NPIPB11: variants seen among roughly 807,000 people sequenced by gnomAD.
NPIPB11 encodes the protein nuclear pore complex-interacting protein family member B11.
Under a neutral mutation model 32.8 loss-of-function variants are expected in NPIPB11, and 17 were observed. The ratio of observed to expected loss-of-function variants is 0.52; its 90% CI spans 0.35 to 0.78. The LOEUF is 0.78. Ranked by LOEUF, NPIPB11 falls within the 30% of genes least tolerant of loss-of-function variation. NPIPB11 has a pLI of 0.01. For synonymous variants in NPIPB11, 209 were observed against 398.4 expected (o/e 0.52, Z 5.66); for missense variants, 537 against 1,000.4 (o/e 0.54, Z 6.25).
In NPIPB11 at chr16:29,383,112, G is replaced by A. The variant is rs1963530402; in HGVS notation, c.1820C>T (p.Ser607Leu). ...GTGGAGCTGAGGGTGGAAGGGGAGT[G>A]AGCTGACGCTCGGAAGGTCTCTTGA... Residue 607 changes from serine (S) to leucine (L), a missense_variant, in exon 8 of 8, where the codon TCA (serine) becomes TTA (leucine). By Grantham distance (145) the Ser-to-Leu change is moderately radical. Coordinates refer to ENST00000524087, the Ensembl canonical transcript of NPIPB11. The A allele has an allele frequency of 2.5e-6, 4 of 1,595,614 alleles. No homozygotes were observed. The East Asian group carries it at 6.9e-5, about 27-fold the overall frequency.
Position 29,390,237 on chromosome 16 carries a change from A to G in NPIPB11, c.349+12T>C, listed in dbSNP as rs574292207. The G allele has an allele frequency of 1.3e-5, 20 of 1,588,156 alleles. No homozygotes were observed. The East Asian group carries it at 4.5e-4, about 36-fold the overall frequency. ...TCATTTCCACACTATGCGGATTCCAACAGAGCCATACCTTCCTGTCTACGG... is the reference window on the plus strand; with the variant it reads ...TCATTTCCACACTATGCGGATTCCAGCAGAGCCATACCTTCCTGTCTACGG... On this transcript the variant is annotated intron_variant, in intron 4 of 7. Coordinates refer to ENST00000524087, the Ensembl canonical transcript of NPIPB11.
chr16:29,406,356 A>G (rs903540528), upstream of NPIPB11, among the ~76,000 whole-genome samples: 2 of 152,282 alleles, frequency 1.3e-5, no homozygotes, highest in African/African-American at 4.8e-5. Context: ...ATACATTTAT[A>G]CAAATTTAAT....
intron 2 of NPIPB11, among the ~76,000 whole-genome samples, chr16:29,399,606 G>A (rs1258205934): frequency 2.0e-5 from 3 of 151,714 alleles, no homozygotes; most frequent in African/African-American, 7.3e-5. Flanking sequence ...GCTGAGGCAG[G>A]AGAATAGTTT....
chr16:29,406,516 C>T (rs954833265), upstream of NPIPB11, among the ~76,000 whole-genome samples: 31 of 152,182 alleles, frequency 2.0e-4, no homozygotes, highest in African/African-American at 7.0e-4. Context: ...TCGGGAGTTC[C>T]AGACCAGCCT....
chr16:29,389,827 A>C, intron 5 of NPIPB11, 114 bp downstream of exon 5: 1 of 1,558,086 alleles, frequency 6.4e-7, no homozygotes, highest in Admixed American at 1.9e-5. Flanking sequence ...CTCAATTTTG[A>C]ACCTACTGAA....
chr16:29,401,440 C>A (rs3874770), intron 2 of NPIPB11, among the ~76,000 whole-genome samples: 16 of 152,160 alleles, frequency 1.1e-4, no homozygotes, highest in Non-Finnish European at 1.6e-4. Context: ...TACTCTGTTT[C>A]ATCATGCTGG....
intron 2 of NPIPB11, among the ~76,000 whole-genome samples, chr16:29,397,196 G>C (rs1001475731): frequency 3.3e-5 from 5 of 150,120 alleles, no homozygotes; most frequent in African/African-American, 9.8e-5. Context: ...CATCAAACCA[G>C]ATGACACAAA....
At chr16:29,391,787 C>T (rs918613760) in intron 3 of NPIPB11, among the ~76,000 whole-genome samples, 1 of 152,120 alleles carries the variant, frequency 6.6e-6, no homozygotes, top group Non-Finnish European at 1.5e-5. Context: ...GTGGCGCTAC[C>T]TTGGCTCACG....
chr16:29,397,528 G>C, intron 2 of NPIPB11: 1 of 1,507,038 alleles, frequency 6.6e-7, no homozygotes, highest in Non-Finnish European at 8.9e-7. Flanking sequence ...ACACAGCCCA[G>C]TAAAAAGGAA....
At chr16:29,399,467 C>T (rs1469240175) in intron 2 of NPIPB11, among the ~76,000 whole-genome samples, 86 of 144,434 alleles carry the variant, frequency 6.0e-4, no homozygotes, top group African/African-American at 1.9e-3. Flanking sequence ...TTTGGGAGGC[C>T]GAGGTGGGTG....
rs1158769022 is a variant in NPIPB11, at chr16:29,386,936, CT to C, written c.546-1082del. Among the ~76,000 whole-genome samples the C allele has an allele frequency of 7.5e-4, 9 of 12,056 alleles. 1 individual carries two copies. The highest frequency in any genetic ancestry group is 1.7e-3 in the Admixed American group (2 of 1,182). 7.9% of individuals were successfully genotyped at this position (12,056 alleles called of 152,430 possible). ...CCTCTGCCTCTGATACCTGCCTCTC[CT>C]TTTCTGCATGCTCACATTCTTTCAC... is the stretch of plus-strand genomic sequence containing the variant. On this transcript the variant is annotated intron_variant, in intron 5 of 7. Coordinates refer to ENST00000524087, the Ensembl canonical transcript of NPIPB11.
intron 5 of NPIPB11, among the ~76,000 whole-genome samples, chr16:29,389,161 C>G (rs1193474482): frequency 6.9e-6 from 1 of 145,378 alleles, no homozygotes; most frequent in Non-Finnish European, 1.5e-5. Context: ...TGCCACTGCA[C>G]TCTAGCCTGG....
chr16:29,401,718 C>T (rs1963995717), intron 2 of NPIPB11, among the ~76,000 whole-genome samples: 2 of 152,114 alleles, frequency 1.3e-5, no homozygotes, highest in Non-Finnish European at 2.9e-5. Flanking sequence ...TGTGTCACCT[C>T]GAGGCAAGAG....
At chr16:29,399,486 G>C (rs1040791297) in intron 2 of NPIPB11, among the ~76,000 whole-genome samples, 1 of 149,244 alleles carries the variant, frequency 6.7e-6, no homozygotes, top group African/African-American at 2.5e-5. Context: ...TGGATCACAA[G>C]GTCAGGAGTT....
At chr16:29,402,970 A>C (rs1039787049) in intron 2 of NPIPB11, among the ~76,000 whole-genome samples, 7 of 150,360 alleles carry the variant, frequency 4.7e-5, no homozygotes, top group Non-Finnish European at 8.8e-5. Context: ...TCTTTTATTC[A>C]AAATTATAGA....
intron 5 of NPIPB11, among the ~76,000 whole-genome samples, chr16:29,389,194 CAAAAAAAA>C (rs1166217249): frequency 2.0e-5 from 1 of 50,350 alleles, no homozygotes; most frequent in African/African-American, 7.7e-5. Flanking sequence ...GACTCTGTCT[CAAAAAAAA>C]AAAAAAAAAA....
chr16:29,396,998 A>T (rs1007240815), intron 2 of NPIPB11, among the ~76,000 whole-genome samples: 4 of 151,634 alleles, frequency 2.6e-5, no homozygotes, highest in African/African-American at 9.7e-5. Context: ...AAACACAAAA[A>T]TTAGCCAGGC....
At chr16:29,394,868 C>G (rs1332447260) in intron 2 of NPIPB11, among the ~76,000 whole-genome samples, 1 of 150,294 alleles carries the variant, frequency 6.7e-6, no homozygotes, top group Non-Finnish European at 1.5e-5. Context: ...GCCTCAGCCT[C>G]CTGAGTAGCT....
intron 2 of NPIPB11, among the ~76,000 whole-genome samples, chr16:29,402,724 C>CTGCGTGTG (rs1555475885): frequency 1.7e-5 from 2 of 119,634 alleles, no homozygotes; most frequent in Admixed American, 8.9e-5. Flanking sequence ...CTCTCTCTCT[C>CTGCGTGTG]TGTGTGTGTG....
Sources: allele counts gnomAD v4.1 joint callset (sites outside exome capture counted in the v4.1 genomes callset), GRCh38; gene constraint gnomAD v4.1.1; transcripts MANE v1.5; gene names NCBI Gene and HGNC (gene_info 2026-07-23, HGNC 2026-07-21).